The following ZMAT3 variants were observed in gnomAD, a reference collection of about 807,000 sequenced individuals.
ZMAT3 encodes zinc finger matrin-type protein 3.
ZMAT3 carries 17 observed loss-of-function variants against 32.3 expected under a neutral mutation model. That is an observed-to-expected ratio of 0.53 (90% CI 0.36 to 0.79). ZMAT3 has a LOEUF of 0.79. Ranked by LOEUF, ZMAT3 falls within the 30% of genes least tolerant of loss-of-function variation. ZMAT3 has a pLI of 0.00. For missense variants in ZMAT3, 329 were observed against 359.7 expected, an observed-to-expected ratio of 0.91 and a Z score of 0.69; for synonymous variants, 120 against 133.1, an observed-to-expected ratio of 0.90 and a Z score of 0.68.
At chr3:179,026,258 GC>G (rs1718861441) in intron 5 of ZMAT3, among the ~76,000 whole-genome samples, 1 of 151,194 alleles carries the variant, frequency 6.6e-6, no homozygotes, top group Admixed American at 6.6e-5. Context: ...AGCTATCCCA[GC>G]TTCTTTCATT....
chr3:179,060,399 T>G (rs1344394259), intron 2 of ZMAT3, among the ~76,000 whole-genome samples: 2 of 151,830 alleles, frequency 1.3e-5, no homozygotes, highest in East Asian at 1.9e-4. Flanking sequence ...TTTTTTTTTT[T>G]GGGAGACCAA....
intron 1 of ZMAT3, among the ~76,000 whole-genome samples, chr3:179,068,062 T>C (rs919077959): frequency 2.0e-5 from 3 of 152,180 alleles, no homozygotes; most frequent in African/African-American, 7.2e-5. Flanking sequence ...CTGCTATCCC[T>C]TTGGCCCGTG....
At position 179,046,530 on chromosome 3, in the gene ZMAT3, C is replaced by T. The variant is rs1324818294; in HGVS notation, c.271-15531G>A. On this transcript the variant is annotated intron_variant, in intron 2 of 5. Coordinates refer to ENST00000311417, the MANE Select transcript of ZMAT3 (RefSeq NM_022470.4). This position sits in a 1 kb window ranked among gnomAD's most constrained non-coding sequence, Gnocchi z 4.3. Reference sequence around the variant, plus strand: ...CAGGCCCTTTGAAGGAGGCGGATTGCCACTGCAGACTCCGTGGGACAGCTG... The same window carrying T: ...CAGGCCCTTTGAAGGAGGCGGATTGTCACTGCAGACTCCGTGGGACAGCTG... Among the ~76,000 whole-genome samples, 3 of 152,164 alleles carry T rather than the reference C, an allele frequency of 2.0e-5. No homozygotes were observed. The highest frequency in any genetic ancestry group is 7.2e-5 in the African/African-American group (3 of 41,430).
At chr3:179,055,781 T>G (rs1414251719) in intron 2 of ZMAT3, among the ~76,000 whole-genome samples, 1 of 152,218 alleles carries the variant, frequency 6.6e-6, no homozygotes, top group East Asian at 1.9e-4. Flanking sequence ...ATGTTACTAC[T>G]AAATCAGACA....
At chr3:179,051,652 A>G (rs1720563459) in intron 2 of ZMAT3, among the ~76,000 whole-genome samples, 1 of 152,160 alleles carries the variant, frequency 6.6e-6, no homozygotes, top group African/African-American at 2.4e-5. Context: ...TCATCAAAAT[A>G]CCATCATCAT....
At chr3:179,041,956 C>A (rs1165651230) in intron 2 of ZMAT3, among the ~76,000 whole-genome samples, 1 of 152,170 alleles carries the variant, frequency 6.6e-6, no homozygotes, top group Non-Finnish European at 1.5e-5. Flanking sequence ...ACTATAAACA[C>A]CTCTACGCAA....
chr3:179,033,245 G>C (rs1394550245), intron 2 of ZMAT3, among the ~76,000 whole-genome samples: 3 of 152,264 alleles, frequency 2.0e-5, no homozygotes, highest in Non-Finnish European at 4.4e-5. Flanking sequence ...ATGGATTAAG[G>C]GCGGTGCAAG....
intron 2 of ZMAT3, among the ~76,000 whole-genome samples, chr3:179,064,043 G>A (rs1721279042): frequency 6.6e-6 from 1 of 152,348 alleles, no homozygotes; most frequent in South Asian, 2.1e-4. Flanking sequence ...AGTTTCCACT[G>A]CGTGTCCTGG....
intron 1 of ZMAT3, 66 bp downstream of exon 1, chr3:179,071,529 C>T (rs1301413384): frequency 6.6e-6 from 1 of 152,258 alleles, no homozygotes; most frequent in Non-Finnish European, 1.5e-5. Context: ...GGAAAGGAAC[C>T]GCTAGTCCCC....
chr3:179,051,265 G>C (rs992419916), intron 2 of ZMAT3, among the ~76,000 whole-genome samples: 6 of 152,086 alleles, frequency 3.9e-5, no homozygotes, highest in Non-Finnish European at 8.8e-5. Flanking sequence ...AAAGCTTCTG[G>C]TACTGGTAAA....
intron 2 of ZMAT3, among the ~76,000 whole-genome samples, chr3:179,042,543 T>C: frequency 6.6e-6 from 1 of 152,148 alleles, no homozygotes; most frequent in Non-Finnish European, 1.5e-5. Flanking sequence ...CCAAAAACTC[T>C]CAATAAATTA....
rs1473532811 is a variant in ZMAT3 at position 179,024,805 on chromosome 3, G to A, written c.*212C>T. On this transcript the variant is annotated 3_prime_UTR_variant, in exon 6 of 6. Transcript: ENST00000311417. The stretch of plus-strand genomic sequence containing the variant: ...TCAACACCATTGACCCTGCAAAAGC[G>A]TTATGACCTAAGAAGCACGTTCTTC... The A allele has an allele frequency of 3.6e-6, 2 of 552,554 alleles. No homozygotes were observed. The highest frequency in any genetic ancestry group is 4.9e-4 in the Middle Eastern group (1 of 2,042). The allele number at this position is 552,554 out of a possible 1,614,324, so 34.2% of individuals were successfully genotyped here. A position where few individuals can be genotyped will look rare whatever the true frequency, so the allele number is the denominator to read the frequency against.
At chr3:179,038,997 C>G (rs975119563) in intron 2 of ZMAT3, among the ~76,000 whole-genome samples, 3 of 152,258 alleles carry the variant, frequency 2.0e-5, no homozygotes, top group African/African-American at 7.2e-5. Flanking sequence ...AGGCAGCAGC[C>G]TGGCTGGGGG....
chr3:179,070,547 T>C (rs1560102068), intron 1 of ZMAT3, among the ~76,000 whole-genome samples: 1 of 152,186 alleles, frequency 6.6e-6, no homozygotes, highest in African/African-American at 2.4e-5. Flanking sequence ...GTATAAAATA[T>C]AAATCTTAAA....
At chr3:179,040,476 C>T (rs921933363) in intron 2 of ZMAT3, among the ~76,000 whole-genome samples, 3 of 152,146 alleles carry the variant, frequency 2.0e-5, no homozygotes, top group African/African-American at 7.2e-5. Flanking sequence ...CATATCCAGC[C>T]AAACTAAGCT....
At chr3:179,031,254 C>T (rs1010506856) in intron 2 of ZMAT3, among the ~76,000 whole-genome samples, 1 of 144,472 alleles carries the variant, frequency 6.9e-6, no homozygotes, top group Non-Finnish European at 1.5e-5. Context: ...AAAAAAAAAA[C>T]GCATATAGAA....
intron 1 of ZMAT3, among the ~76,000 whole-genome samples, chr3:179,070,697 A>G (rs1721663047): frequency 6.6e-6 from 1 of 152,248 alleles, no homozygotes; most frequent in Non-Finnish European, 1.5e-5. Flanking sequence ...TTCAAATCTT[A>G]AAAACCAGTC....
intron 2 of ZMAT3, among the ~76,000 whole-genome samples, chr3:179,055,734 G>C (rs892639037): frequency 6.6e-6 from 1 of 152,156 alleles, no homozygotes; most frequent in Non-Finnish European, 1.5e-5. Context: ...TTTTACAAGG[G>C]TTAGGACAAT....
At chr3:179,069,245 A>G (rs1281330368) in intron 1 of ZMAT3, among the ~76,000 whole-genome samples, 1 of 152,106 alleles carries the variant, frequency 6.6e-6, no homozygotes, top group African/African-American at 2.4e-5. Flanking sequence ...CCTCCTTCTT[A>G]ACAAATAACT....
Sources: allele counts gnomAD v4.1 joint callset (sites outside exome capture counted in the v4.1 genomes callset), GRCh38; gene constraint gnomAD v4.1.1; non-coding constraint Gnocchi (gnomAD v3.1); transcripts MANE v1.5; gene names NCBI Gene and HGNC (gene_info 2026-07-23, HGNC 2026-07-21).